ASPM: variants seen among roughly 807,000 people sequenced by gnomAD.
ASPM encodes assembly factor for spindle microtubules, also known as abnormal spindle-like microcephaly-associated protein.
Under a neutral mutation model 366.4 loss-of-function variants are expected in ASPM, and 256 were observed. The observed-to-expected ratio is 0.70, with a 90% CI of 0.63 to 0.77. The LOEUF (loss-of-function observed/expected upper bound fraction) is 0.77. ASPM is among the 30% of genes least tolerant of loss of function. ASPM has a pLI of 0.00. For synonymous variants in ASPM, 1,414 were observed against 1,342.9 expected, an observed-to-expected ratio of 1.05 and a Z score of -1.16; for missense variants, 4,146 against 4,090.4, an observed-to-expected ratio of 1.01 and a Z score of -0.37.
chr1:197,099,338 C>T (rs1459600152), intron 18 of ASPM, among the ~76,000 whole-genome samples: 1 of 151,462 alleles, frequency 6.6e-6, no homozygotes, highest in Admixed American at 6.6e-5. Context: ...AAAAATCTAT[C>T]CACAATCTTA....
In ASPM at chr1:197,117,859, T is replaced by C; in HGVS notation, c.3995A>G (p.Gln1332Arg). 2 of 1,612,496 alleles carry C rather than the reference T, an allele frequency of 1.2e-6. No individual in the cohort carries two copies. The highest frequency in any genetic ancestry group is 8.5e-7 in the Non-Finnish European group (1 of 1,179,394). ...IQKYWRRVLA[Q>R]RKLLMLKKEK... ...CTTTTTTAACATTAATAATTTTCTC[T>C]GTGCTAAGACTCTTCGCCAATATTT... The change falls in exon 17 of 28, where the codon CAG becomes CGG. Residue 1332 changes from glutamine to arginine, a missense_variant. Physicochemically the swap from Gln to Arg is conservative, Grantham distance 43. Transcript: ENST00000367409.
rs746942806 is a variant in ASPM, at chr1:197,100,863, C to T, written c.8388G>A (p.Glu2796=). The T allele has an allele frequency of 1.1e-5, 18 of 1,612,650 alleles. No individual in the cohort carries two copies. Among genetic ancestry groups the T allele is most frequent in the Middle Eastern group, 3.3e-4 (2 of 6,054 alleles). The change falls in exon 18 of 28, where the codon GAG becomes GAA. Residue 2796 remains glutamate (E), a synonymous_variant. Coordinates refer to ENST00000367409, the MANE Select transcript of ASPM (RefSeq NM_018136.5). ...AVQSEGVMIQ[E]WYKASGLACS... The stretch of plus-strand genomic sequence containing the variant: ...AAGCAAGGCCAGAAGCTTTATACCA[C>T]TCTTGAATCATAACACCTTCACTTT...
rs191092776 is a variant in ASPM, at chr1:197,084,825, T to C, written c.10332-399A>G. ...TTTTTGCCCCACTTTCCTTCAATTC[T>C]ACCTCAACCAATCCTTTTTAATATG... On this transcript the variant is annotated intron_variant, in intron 27 of 27. Coordinates refer to ENST00000367409, the MANE Select transcript of ASPM (RefSeq NM_018136.5). Among the ~76,000 whole-genome samples the C allele has an allele frequency of 1.6e-3, 247 of 152,306 alleles. 2 individuals carry two copies. Among genetic ancestry groups the C allele is most frequent in the African/African-American group, 5.7e-3 (236 of 41,590 alleles).
At chr1:197,087,176 G>A (rs1166025155) in intron 26 of ASPM, among the ~76,000 whole-genome samples, 3 of 151,996 alleles carry the variant, frequency 2.0e-5, no homozygotes, top group Admixed American at 1.3e-4. Context: ...CCGGGTTCAC[G>A]CCATTCTCCT....
chr1:197,094,274 T>C, intron 19 of ASPM, 94 bp from the exon 20 acceptor site: 3 of 749,704 alleles, frequency 4.0e-6, no homozygotes, highest in Admixed American at 2.4e-5. Flanking sequence ...TAGAAGAGAA[T>C]AAAATATAAG....
At chr1:197,142,181 C>A in intron 3 of ASPM, 150 bp downstream of exon 3, 1 of 817,506 alleles carries the variant, frequency 1.2e-6, no homozygotes, top group South Asian at 1.7e-5. Flanking sequence ...TACAAGATGT[C>A]ACATAAGCTG....
rs117840291 is a variant in ASPM at position 197,097,594 on chromosome 1, A to G, written c.8821-1430T>C. 6.9e-4 allele frequency among the ~76,000 whole-genome samples: 105 copies of G among 151,910 alleles called. 1 individual carries two copies. In the East Asian group the frequency reaches 0.02, roughly 29 times the overall value. ...GCCAAAATTACTCTGAGATGACCTT[A>G]ACTCATTCAGACTATATTGTATACG... On this transcript the variant is annotated intron_variant, in intron 18 of 27. Coordinates refer to ENST00000367409, the MANE Select transcript of ASPM (RefSeq NM_018136.5).
rs200899109 is a variant in ASPM, at chr1:197,125,232, C to T, written c.2937-41G>A. ...TGTTCAGATGAAATTATCATAAAAA[C>T]GTATATGAAAAAACCCTTCACTGAA... On this transcript the variant is annotated intron_variant, in intron 10 of 27. Coordinates refer to ENST00000367409, the MANE Select transcript of ASPM (RefSeq NM_018136.5). 2.3e-4 allele frequency: 374 copies of T among 1,607,996 alleles called. 1 individual carries two copies. Among genetic ancestry groups the T allele is most frequent in the Admixed American group, 1.4e-3 (87 of 60,006 alleles).
Position 197,143,617 on chromosome 1 carries a change from A to T in ASPM, c.635T>A (p.Leu212Ter). 6.2e-7 allele frequency: 1 copy of T among 1,613,156 alleles called. No homozygotes were observed. Among genetic ancestry groups the T allele is most frequent in the African/African-American group, 1.3e-5 (1 of 75,046 alleles). The change falls in exon 3 of 28, where the codon TTA (leucine) becomes TAA (stop). Residue 212 changes from leucine to a stop codon, truncating the protein, a stop_gained. Coordinates refer to ENST00000367409, the MANE Select transcript of ASPM (RefSeq NM_018136.5). LOFTEE classifies it high-confidence loss of function. The part of the protein sequence containing the change: ...EGGPPTENNS[L>*]ILEENKIPIS... ...GGGTATTTTATTTTCTTCAAGTATT[A>T]AAGAATTGTTTTCTGTTGGGGGACC...
Position 197,103,898 on chromosome 1 carries a change from A to C in ASPM, c.5353T>G (p.Tyr1785Asp). ...YKAIIVIQNY[Y>D]HAYKAQVNQR... Reference sequence around the variant, plus strand: ...TTGACCTGTGCTTTGTATGCATGATAGTAATTCTGAATGACAATAATTGCT... The same window carrying C: ...TTGACCTGTGCTTTGTATGCATGATCGTAATTCTGAATGACAATAATTGCT... The change falls in exon 18 of 28, where the codon TAT (tyrosine) becomes GAT (aspartate). Residue 1785 changes from tyrosine to aspartate, a missense_variant. Physicochemically the swap from Tyr to Asp is radical, Grantham distance 160. Transcript: ENST00000367409. 1 of 1,612,894 alleles carries C rather than the reference A, an allele frequency of 6.2e-7. No individual in the cohort carries two copies. Among genetic ancestry groups the C allele is most frequent in the Non-Finnish European group, 8.5e-7 (1 of 1,179,326 alleles).
chr1:197,101,691 T>C lies in ASPM; in HGVS notation c.7560A>G (p.Ala2520=), dbSNP rs1571598506. 1.2e-6 allele frequency: 2 copies of C among 1,612,096 alleles called. No individual in the cohort carries two copies. Among genetic ancestry groups the C allele is most frequent in the African/African-American group, 2.7e-5 (2 of 74,790 alleles). ...TGATATAATTTTCTCTTTGTAATTT[T>C]GCAGCTCTATATGTTCGATAATGTT... The part of the protein sequence containing the change: ...IQQHYRTYRA[A]KLQRENYIRQ... Residue 2520 remains alanine (A), a synonymous_variant, in exon 18 of 28, where the codon GCA becomes GCG. Coordinates refer to ENST00000367409, the MANE Select transcript of ASPM (RefSeq NM_018136.5).
intron 17 of ASPM, 36 bp from the exon 18 acceptor site, chr1:197,105,221 G>T: frequency 1.3e-6 from 2 of 1,487,734 alleles, no homozygotes; most frequent in Non-Finnish European, 1.9e-6. Flanking sequence ...AGTAAAATAG[G>T]CATAGCTTTC....
chr1:197,130,754 G>A (rs911999891), intron 7 of ASPM, among the ~76,000 whole-genome samples: 3 of 152,122 alleles, frequency 2.0e-5, no homozygotes, highest in Non-Finnish European at 2.9e-5. Context: ...ATCCTAGGGT[G>A]TAGTAATAAG....
At chr1:197,129,700 G>C (rs564175650) in intron 8 of ASPM, among the ~76,000 whole-genome samples, 1 of 152,072 alleles carries the variant, frequency 6.6e-6, no homozygotes, top group African/African-American at 2.4e-5. Flanking sequence ...ACAACCTACT[G>C]GGGGGAGAGG....
chr1:197,097,071 C>T (rs1656995188), intron 18 of ASPM, among the ~76,000 whole-genome samples: 1 of 151,320 alleles, frequency 6.6e-6, no homozygotes, highest in Non-Finnish European at 1.5e-5. Flanking sequence ...GTAAGAAAAC[C>T]CAATTCCCCT....
chr1:197,111,563 A>G (rs748911880), intron 17 of ASPM, among the ~76,000 whole-genome samples: 1 of 152,172 alleles, frequency 6.6e-6, no homozygotes, highest in Non-Finnish European at 1.5e-5. Flanking sequence ...TGATCCAGAA[A>G]ACCCACTACG....
chr1:197,142,796 G>T lies in ASPM; in HGVS notation c.1456C>A (p.Gln486Lys). The T allele has an allele frequency of 1.9e-6, 3 of 1,613,536 alleles. No individual in the cohort carries two copies. Among genetic ancestry groups the T allele is most frequent in the Non-Finnish European group, 2.5e-6 (3 of 1,179,480 alleles). The change falls in exon 3 of 28, where the codon CAA becomes AAA. Residue 486 changes from glutamine (Q) to lysine (K), a missense_variant. Coordinates refer to ENST00000367409, the MANE Select transcript of ASPM (RefSeq NM_018136.5). ...QDISSHSHNK[Q>K]PKRRPILSAT... Reference sequence around the variant, plus strand: ...GAAAGTATTGGACGTCTCTTAGGTTGTTTATTGTGGCTATGACTAGAAATA... The same window carrying T: ...GAAAGTATTGGACGTCTCTTAGGTTTTTTATTGTGGCTATGACTAGAAATA...
intron 7 of ASPM, among the ~76,000 whole-genome samples, chr1:197,131,053 T>C (rs1167977300): frequency 6.6e-6 from 1 of 152,236 alleles, no homozygotes; most frequent in African/African-American, 2.4e-5. Context: ...GCAGAGCTAG[T>C]TGATCTGTAA....
rs142536561 is a variant in ASPM, at chr1:197,103,952, C to A, written c.5299G>T (p.Ala1767Ser). ...SLQSYFRMRK[A>S]RQYYLKMYKA... ...TACATTTTCAGATAATACTGCCGAGCCTTTCTCATTCTGAAATAAGACTGT... is the reference window on the plus strand; with the variant it reads ...TACATTTTCAGATAATACTGCCGAGACTTTCTCATTCTGAAATAAGACTGT... The change falls in exon 18 of 28, where the codon GCT (alanine) becomes TCT (serine). Residue 1767 changes from alanine (A) to serine (S), a missense_variant. Ala to Ser is a moderately conservative substitution (Grantham distance 99). Around this residue, in one of 3 missense-constraint regions of ASPM, gnomAD observed 3,624 missense variants for 3,591.7 expected, o/e 1.01. Coordinates refer to ENST00000367409, the MANE Select transcript of ASPM (RefSeq NM_018136.5). The A allele has an allele frequency of 9.9e-6, 16 of 1,612,400 alleles. No individual in the cohort carries two copies. Among genetic ancestry groups the A allele is most frequent in the African/African-American group, 2.7e-5 (2 of 74,790 alleles).
Sources: allele counts gnomAD v4.1 joint callset (sites outside exome capture counted in the v4.1 genomes callset), GRCh38; gene constraint gnomAD v4.1.1; regional missense constraint gnomAD v4.1.1; transcripts MANE v1.5; gene names NCBI Gene and HGNC (gene_info 2026-07-23, HGNC 2026-07-21).